Variants in MMS22L observed in about 807,000 individuals in gnomAD.
The protein encoded by MMS22L is MMS22 like, DNA repair protein.
A neutral mutation model predicts 159.1 loss-of-function variants in MMS22L; 74 were observed. The observed-to-expected ratio is 0.47, with a 90% confidence interval of 0.39 to 0.56. The LOEUF (loss-of-function observed/expected upper bound fraction) is 0.56. Ranked by LOEUF, MMS22L falls within the 20% of genes least tolerant of loss-of-function variation. MMS22L has a pLI of 0.00. For synonymous variants in MMS22L, 517 were observed against 506.9 expected, an observed-to-expected ratio of 1.02 and a Z score of -0.27; for missense variants, 1,351 against 1,422.1, an observed-to-expected ratio of 0.95 and a Z score of 0.80.
chr6:97,272,975 C>T lies in MMS22L; in HGVS notation c.428G>A (p.Arg143Lys), dbSNP rs1265765166. ...FLHYVKVFIF[R>K]YLKVQNAESH... ...TCAAAATACTCATCTGATATCCTAC[C>T]TGAAGATGAAAACTTTAACATAATG... Residue 143 changes from arginine to lysine, a missense_variant and splice_region_variant, in exon 5 of 25, where the codon AGG (arginine) becomes AAG (lysine). Transcript: ENST00000683635. The T allele has an allele frequency of 1.9e-6, 3 of 1,611,432 alleles. No homozygotes were observed. The highest frequency in any genetic ancestry group is 2.5e-6 in the Non-Finnish European group (3 of 1,178,970).
At chr6:97,157,774 A>C (rs1327976536) in intron 22 of MMS22L, among the ~76,000 whole-genome samples, 2 of 152,072 alleles carry the variant, frequency 1.3e-5, no homozygotes, top group Admixed American at 6.6e-5. Context: ...ATTGATCTAA[A>C]ATTTTTTTTT....
chr6:97,155,030 C>T (rs188879556), intron 22 of MMS22L, among the ~76,000 whole-genome samples: 1 of 152,292 alleles, frequency 6.6e-6, no homozygotes, highest in Admixed American at 6.5e-5. Flanking sequence ...GCACAACTAT[C>T]TTTTCCCATC....
At chr6:97,260,034 T>C (rs999593690) in intron 9 of MMS22L, 1 of 152,172 alleles carries the variant, frequency 6.6e-6, no homozygotes, top group African/African-American at 2.4e-5. Context: ...GCAAGTCTAG[T>C]GCCAATAAAA....
chr6:97,209,761 T>C (rs1279294807), intron 14 of MMS22L, among the ~76,000 whole-genome samples: 1 of 151,988 alleles, frequency 6.6e-6, no homozygotes, highest in Non-Finnish European at 1.5e-5. Context: ...AAAGTAAATA[T>C]TTGATAATAT....
At position 97,198,478 on chromosome 6, in the gene MMS22L, C is replaced by G. The variant is rs139340521; in HGVS notation, c.2040-11788G>C. ...ATCTGTAAGCATAATAAAAGGATTG[C>G]TGTTGTGGTGTTTTACCCACTATGT... On this transcript the variant is annotated intron_variant, in intron 14 of 24. Coordinates refer to ENST00000683635, the MANE Select transcript of MMS22L (RefSeq NM_001350599.2). Among the ~76,000 whole-genome samples the G allele has an allele frequency of 1.3e-3, 200 of 152,198 alleles. 1 individual carries two copies. The highest frequency in any genetic ancestry group is 4.6e-3 in the African/African-American group (189 of 41,530).
intron 10 of MMS22L, among the ~76,000 whole-genome samples, chr6:97,250,653 C>G (rs554385300): frequency 2.6e-5 from 4 of 152,084 alleles, no homozygotes; most frequent in Non-Finnish European, 5.9e-5. Flanking sequence ...CAGGCCTACA[C>G]TAAGAAATTG....
At chr6:97,266,390 A>C (rs1453644510) in intron 8 of MMS22L, 2 of 152,260 alleles carry the variant, frequency 1.3e-5, no homozygotes, top group Non-Finnish European at 2.9e-5. Flanking sequence ...CATTATTTAT[A>C]AGAGCCAAGA....
chr6:97,248,996 A>G (rs1812955788), intron 10 of MMS22L, among the ~76,000 whole-genome samples: 1 of 151,994 alleles, frequency 6.6e-6, no homozygotes, highest in Admixed American at 6.6e-5. Context: ...TGTGATAGAG[A>G]GTGAAGGCTG....
chr6:97,244,182 G>C (rs960334215), intron 11 of MMS22L, among the ~76,000 whole-genome samples: 2 of 152,182 alleles, frequency 1.3e-5, no homozygotes, highest in African/African-American at 2.4e-5. Context: ...GTAATGGCTT[G>C]AGTTGGTTGG....
intron 14 of MMS22L, among the ~76,000 whole-genome samples, chr6:97,190,148 AAAG>A (rs1387244611): frequency 4.6e-5 from 7 of 152,232 alleles, no homozygotes; most frequent in African/African-American, 1.4e-4. Context: ...ACAAAAATGC[AAAG>A]AAGAAGCTCT....
intron 19 of MMS22L, among the ~76,000 whole-genome samples, chr6:97,168,841 A>G (rs1206125): frequency 0.55 from 82,990 of 151,746 alleles, 23,572 homozygotes; most frequent in African/African-American, 0.7. Flanking sequence ...AGGATGCCCA[A>G]ATGCAAATTA....
At chr6:97,281,036 A>C (rs1816711936) in intron 3 of MMS22L, among the ~76,000 whole-genome samples, 1 of 152,188 alleles carries the variant, frequency 6.6e-6, no homozygotes, top group African/African-American at 2.4e-5. Context: ...GCAAAGAATA[A>C]AGATTCTGAA....
chr6:97,282,248 TAAC>T, intron 2 of MMS22L, 63 bp downstream of exon 2: 1 of 1,525,542 alleles, frequency 6.6e-7, no homozygotes, highest in Non-Finnish European at 8.9e-7. Flanking sequence ...TGGGCTGAAA[TAAC>T]TAACATTCCT....
intron 9 of MMS22L, chr6:97,258,587 T>A (rs1325661729): frequency 6.6e-6 from 1 of 152,172 alleles, no homozygotes; most frequent in Non-Finnish European, 1.5e-5. Flanking sequence ...TAATCCAACA[T>A]AATGTGCTTC....
intron 13 of MMS22L, among the ~76,000 whole-genome samples, chr6:97,229,776 T>C (rs1810658722): frequency 6.6e-6 from 1 of 152,180 alleles, no homozygotes; most frequent in African/African-American, 2.4e-5. Flanking sequence ...TTGATATGCT[T>C]TTACAGAGAT....
chr6:97,214,875 GCA>G (rs1562467094), intron 14 of MMS22L, among the ~76,000 whole-genome samples: 1 of 150,520 alleles, frequency 6.6e-6, no homozygotes, highest in African/African-American at 2.4e-5. Flanking sequence ...TTAGTTGTTT[GCA>G]CAGTCCTGTT....
chr6:97,190,031 G>T (rs1805705242), intron 14 of MMS22L, among the ~76,000 whole-genome samples: 1 of 152,086 alleles, frequency 6.6e-6, no homozygotes, highest in Admixed American at 6.5e-5. Flanking sequence ...TGCAGACACT[G>T]GTAATTTTTT....
chr6:97,173,249 A>G (rs1474435432), intron 18 of MMS22L, 27 bp from the exon 19 acceptor site: 1 of 1,596,702 alleles, frequency 6.3e-7, no homozygotes, highest in Non-Finnish European at 8.5e-7. Context: ...ACATTATTTA[A>G]CTTCCCAAAG....
Position 97,281,382 on chromosome 6 carries a change from A to G in MMS22L, c.165-20T>C, listed in dbSNP as rs1345983345. 6 of 1,573,186 alleles carry G rather than the reference A, an allele frequency of 3.8e-6. No homozygotes were observed. The South Asian group carries it at 6.9e-5, about 18-fold the overall frequency. ...ATCAATCTGAAATGAAAATTGTTTC[A>G]ATCTCATAAAAAGTATACTAAGTAC... On this transcript the variant is annotated intron_variant, in intron 2 of 24. Transcript: ENST00000683635.
Sources: gnomAD v4.1 joint callset for allele counts (sites outside exome capture counted in the v4.1 genomes callset) on GRCh38, gnomAD v4.1.1 for gene constraint, MANE v1.5 for transcripts, NCBI Gene and HGNC (gene_info 2026-07-23, HGNC 2026-07-21) for gene names.